The following CIB1 variants were observed in gnomAD, a reference collection of about 807,000 sequenced individuals.
CIB1 encodes calcium and integrin binding 1.
A neutral mutation model predicts 25.0 loss-of-function variants in CIB1; 19 were observed. That is an observed-to-expected ratio of 0.76 (90% CI 0.53 to 1.12). The LOEUF (loss-of-function observed/expected upper bound fraction) is 1.12. Ranked by LOEUF, CIB1 falls within the 50% of genes most tolerant of loss-of-function variation. The probability of loss-of-function intolerance (pLI) is 0.00; values close to 1 mark genes in which losing one functional copy is unlikely to be tolerated. For synonymous variants in CIB1, 104 were observed against 98.5 expected (o/e 1.06, Z -0.33); for missense variants, 236 against 242.6 (o/e 0.97, Z 0.18).
the CIB1 span, chr15:90,265,342 TCGC>T: frequency 1.6e-6 from 2 of 1,221,600 alleles, no homozygotes; most frequent in Non-Finnish European, 2.1e-6. Context: ...CACTGGGCTG[TCGC>T]CGTCAGAAGA....
At chr15:90,263,715 G>T in the CIB1 span, 1 of 649,902 alleles carries the variant, frequency 1.5e-6, no homozygotes, top group South Asian at 1.6e-5. Context: ...TAAAAATGTG[G>T]TAAGGGGCTG....
chr15:90,253,458 C>A, the CIB1 span: 1 of 831,782 alleles, frequency 1.2e-6, no homozygotes, highest in African/African-American at 1.7e-5. Flanking sequence ...GACTGCTACT[C>A]TTTGTGGCTG....
At chr15:90,239,523 A>G in the CIB1 span, among the ~76,000 whole-genome samples, 4 of 152,276 alleles carry the variant, frequency 2.6e-5, no homozygotes, top group Admixed American at 2.6e-4. Context: ...TGTGCAGAGC[A>G]AAGAGGGAGG....
the CIB1 span, chr15:90,264,140 A>C: frequency 1.2e-6 from 1 of 804,358 alleles, no homozygotes; most frequent in Admixed American, 2.5e-5. Context: ...CCCCTAAAAT[A>C]TAATATGGCA....
the CIB1 span, chr15:90,263,935 T>C: frequency 3.3e-6 from 5 of 1,512,856 alleles, no homozygotes; most frequent in Non-Finnish European, 3.6e-6. Flanking sequence ...TGTTCCCCGG[T>C]ACCATCTGCA....
At chr15:90,232,481 A>C in intron 2 of CIB1, 154 bp from the exon 3 acceptor site, 1 of 1,283,700 alleles carries the variant, frequency 7.8e-7, no homozygotes, top group Non-Finnish European at 1.0e-6. Context: ...AAGCAAAAGG[A>C]CATGTCACAA....
chr15:90,261,518 T>C, the CIB1 span, among the ~76,000 whole-genome samples: 5 of 151,592 alleles, frequency 3.3e-5, no homozygotes, highest in Non-Finnish European at 5.9e-5. Flanking sequence ...TCAGGCCGAG[T>C]ACGGTGGCTC....
intron 3 of CIB1, 51 bp downstream of exon 3, chr15:90,232,167 CT>C: frequency 7.0e-7 from 1 of 1,432,914 alleles, no homozygotes; most frequent in African/African-American, 1.4e-5. Flanking sequence ...GTTAGGGGGT[CT>C]AGCAGGGAGG....
the CIB1 span, chr15:90,262,885 C>T: frequency 7.1e-7 from 1 of 1,418,404 alleles, no homozygotes; most frequent in Admixed American, 2.4e-5. Flanking sequence ...GTAGAGTGGG[C>T]AGGAGGCCTG....
chr15:90,256,348 T>A, the CIB1 span: 12 of 1,607,548 alleles, frequency 7.5e-6, no homozygotes, highest in Middle Eastern at 3.6e-4. Context: ...AGCACTGGGC[T>A]GCCTCATCTC....
the CIB1 span, chr15:90,257,200 C>A: frequency 1.2e-6 from 2 of 1,613,904 alleles, no homozygotes; most frequent in Non-Finnish European, 1.7e-6. Flanking sequence ...CATCCTGTGA[C>A]CCTCTCCGGA....
intron 2 of CIB1, among the ~76,000 whole-genome samples, chr15:90,232,687 T>A (rs8025875): frequency 0.52 from 78,532 of 151,486 alleles, 20,692 homozygotes; most frequent in East Asian, 0.81. Context: ...CGGGCGGAGC[T>A]TTGGAGGTCA....
chr15:90,265,634 G>A, the CIB1 span: 1 of 1,557,384 alleles, frequency 6.4e-7, no homozygotes, highest in Non-Finnish European at 8.8e-7. Flanking sequence ...CCTCCGGCCC[G>A]CCCCTTCCAC....
Position 90,231,548 on chromosome 15 carries a change from G to A in CIB1, c.196-41C>T, listed in dbSNP as rs756485209. 24 of 1,594,522 alleles carry A rather than the reference G, an allele frequency of 1.5e-5. No homozygotes were observed. The African/African-American group carries it at 2.3e-4, about 15-fold the overall frequency. On this transcript the variant is annotated intron_variant, in intron 3 of 6. Coordinates refer to ENST00000328649, the MANE Select transcript of CIB1 (RefSeq NM_006384.4). Reference sequence around the variant, plus strand: ...CCACAGGACGTGGCCCAGGTCACACGCTCATTAAAGCCTACCAGAAACTTG... The same window carrying A: ...CCACAGGACGTGGCCCAGGTCACACACTCATTAAAGCCTACCAGAAACTTG...
chr15:90,259,193 C>A, the CIB1 span: 1 of 482,886 alleles, frequency 2.1e-6, no homozygotes, highest in Non-Finnish European at 3.4e-6. Context: ...GAGACTCTGT[C>A]CCTAAAACAC....
upstream of CIB1, among the ~76,000 whole-genome samples, chr15:90,235,712 C>T (rs775881587): frequency 6.6e-6 from 1 of 151,846 alleles, no homozygotes. Flanking sequence ...GGACTACAGG[C>T]ACCCGCCACC....
chr15:90,257,758 C>A, the CIB1 span: 1 of 1,595,472 alleles, frequency 6.3e-7, no homozygotes, highest in Non-Finnish European at 8.6e-7. Flanking sequence ...CTTCCTCTGC[C>A]CCTTAGCCCC....
chr15:90,239,708 C>T, the CIB1 span, among the ~76,000 whole-genome samples: 2 of 152,190 alleles, frequency 1.3e-5, no homozygotes, highest in Non-Finnish European at 2.9e-5. Flanking sequence ...CCATATCTAT[C>T]TATCTATCTA....
the CIB1 span, chr15:90,244,206 G>A: frequency 6.6e-6 from 1 of 152,230 alleles, no homozygotes; most frequent in African/African-American, 2.4e-5. Context: ...TCTCCAGTCA[G>A]TGGTTCCCAT....
Sources: gnomAD v4.1 joint callset for allele counts (sites outside exome capture counted in the v4.1 genomes callset) on GRCh38, gnomAD v4.1.1 for gene constraint, MANE v1.5 for transcripts, NCBI Gene and HGNC (gene_info 2026-07-23, HGNC 2026-07-21) for gene names.